Variants in TOPBP1 observed in about 807,000 individuals in gnomAD.
TOPBP1 encodes the protein DNA topoisomerase 2-binding protein 1.
TOPBP1 carries 28 observed loss-of-function variants against 167.7 expected under a neutral mutation model. The observed-to-expected ratio is 0.17, with a 90% CI of 0.12 to 0.23. The LOEUF (loss-of-function observed/expected upper bound fraction) is 0.23, where lower values mean the gene tolerates loss of function less well. Among genes scored for constraint, TOPBP1 ranks in the 10% least tolerant of loss-of-function variants. The pLI, the probability that TOPBP1 is intolerant of heterozygous loss-of-function variation, is 1.00. For synonymous variants in TOPBP1, 598 were observed against 611.4 expected (o/e 0.98, Z 0.32); for missense variants, 1,554 against 1,809.6 (o/e 0.86, Z 2.56).
intron 20 of TOPBP1, 150 bp from the exon 21 acceptor site, chr3:133,618,583 T>A: frequency 1.7e-6 from 1 of 593,040 alleles, no homozygotes; most frequent in South Asian, 3.7e-5. Context: ...TAAATGAACC[T>A]AGGGACATTT....
chr3:133,613,033 G>GT (rs2107774208), intron 23 of TOPBP1, among the ~76,000 whole-genome samples: 1 of 151,982 alleles, frequency 6.6e-6, no homozygotes, highest in East Asian at 1.9e-4. Flanking sequence ...GCTAATTTTT[G>GT]TATTTTTAGT....
chr3:133,642,923 T>C (rs1329906057), intron 12 of TOPBP1, among the ~76,000 whole-genome samples: 1 of 152,180 alleles, frequency 6.6e-6, no homozygotes, highest in Admixed American at 6.5e-5. Flanking sequence ...CTTTATTTGG[T>C]GTCATTATGA....
intron 10 of TOPBP1, among the ~76,000 whole-genome samples, chr3:133,648,164 A>C (rs1260461315): frequency 6.6e-6 from 1 of 152,226 alleles, no homozygotes; most frequent in Non-Finnish European, 1.5e-5. Context: ...TCCAGCAGTC[A>C]GGGAAATAGA....
At chr3:133,611,839 C>G (rs1934693302) in intron 24 of TOPBP1, among the ~76,000 whole-genome samples, 1 of 152,138 alleles carries the variant, frequency 6.6e-6, no homozygotes, top group South Asian at 2.1e-4. Context: ...TGGGCTCAAG[C>G]AATCCTCCCA....
At chr3:133,651,163 G>A (rs1477942918) in intron 8 of TOPBP1, among the ~76,000 whole-genome samples, 6 of 134,386 alleles carry the variant, frequency 4.5e-5, no homozygotes, top group African/African-American at 8.1e-5. Context: ...GTAATTTGCC[G>A]AATTTCCCTT....
Position 133,601,207 on chromosome 3 carries a change from T to G in TOPBP1, c.*43A>C. ...TCACAGTCACATTCAGGCTTTCAAT[T>G]TTTAAAAACATTTAATGTTTGGTAA... On this transcript the variant is annotated 3_prime_UTR_variant, in exon 28 of 28. Transcript: ENST00000260810. 6.5e-7 allele frequency: 1 copy of G among 1,545,402 alleles called. No homozygotes were observed. The highest frequency in any genetic ancestry group is 8.7e-7 in the Non-Finnish European group (1 of 1,148,100).
rs574240767 is a variant in TOPBP1 at position 133,630,994 on chromosome 3, C to T, written c.2521-2261G>A. ...ACTGCCTGAGCCCAGGAGTTCTAGACCAGCCTGAGCAACATGGTGAGACTC... is the reference window on the plus strand; with the variant it reads ...ACTGCCTGAGCCCAGGAGTTCTAGATCAGCCTGAGCAACATGGTGAGACTC... On this transcript the variant is annotated intron_variant, in intron 14 of 27. Coordinates refer to ENST00000260810, the MANE Select transcript of TOPBP1 (RefSeq NM_007027.4). Among the ~76,000 whole-genome samples the T allele has an allele frequency of 2.6e-5, 4 of 152,256 alleles. No homozygotes were observed. In the South Asian group the frequency reaches 8.3e-4, roughly 32 times the overall value.
At position 133,603,911 on chromosome 3, in the gene TOPBP1, AAGAT is replaced by A. The variant is rs776197664; in HGVS notation, c.4426-2522_4426-2519del. On this transcript the variant is annotated intron_variant, in intron 27 of 27. Coordinates refer to ENST00000260810, the MANE Select transcript of TOPBP1 (RefSeq NM_007027.4). ...CTTTCACATATATGATATGTTCATT[AAGAT>A]AGATGAAGCTGGGTGATAAAACAAG... Among the ~76,000 whole-genome samples, 35 of 151,924 alleles carry A rather than the reference AAGAT, an allele frequency of 2.3e-4. 1 individual carries two copies. The highest frequency in any genetic ancestry group is 4.1e-4 in the Non-Finnish European group (28 of 67,960).
At chr3:133,603,926 G>C (rs968927087) in intron 27 of TOPBP1, among the ~76,000 whole-genome samples, 2 of 151,744 alleles carry the variant, frequency 1.3e-5, no homozygotes. Flanking sequence ...AGATGAAGCT[G>C]GGTGATAAAA....
In TOPBP1 at chr3:133,620,233, C is replaced by T; in HGVS notation, c.3293G>A (p.Gly1098Asp). The T allele has an allele frequency of 6.2e-7, 1 of 1,613,926 alleles. No individual in the cohort carries two copies. Among genetic ancestry groups the T allele is most frequent in the Non-Finnish European group, 8.5e-7 (1 of 1,179,870 alleles). The part of the protein sequence containing the change: ...QGQRTSLSRS[G>D]CNSASSTPDS... ...AGGGGTTGAAGATGCGCTGTTACAA[C>T]CACTTCTTGAAAGGGAAGTCCTCTG... The change falls in exon 20 of 28, where the codon GGT (glycine) becomes GAT (aspartate). Residue 1098 changes from glycine to aspartate, a missense_variant. Gly to Asp is a moderately conservative substitution (Grantham distance 94). This residue lies in a region of TOPBP1 where 1,197 missense variants were observed against 1,351.5 expected (regional missense o/e 0.89). Coordinates refer to ENST00000260810, the MANE Select transcript of TOPBP1 (RefSeq NM_007027.4).
At chr3:133,624,252 G>A (rs1220549374) in intron 16 of TOPBP1, 77 bp from the exon 17 acceptor site, 5 of 1,519,246 alleles carry the variant, frequency 3.3e-6, no homozygotes, top group Non-Finnish European at 4.5e-6. Context: ...TATTTACTGT[G>A]AACAGAATAT....
rs748957843 is a variant in TOPBP1, at chr3:133,627,279, T to C, written c.2804+1083A>G. On this transcript the variant is annotated intron_variant, in intron 16 of 27. Transcript: ENST00000260810. ...GTTCCCTTGAAAGTCTTATATCATG[T>C]CTACATCAAAACAGAATAAACAAGG... Among the ~76,000 whole-genome samples, 33 of 152,112 alleles carry C rather than the reference T, an allele frequency of 2.2e-4. 1 individual carries two copies. Among genetic ancestry groups the C allele is most frequent in the Admixed American group, 2.0e-3 (30 of 15,270 alleles).
intron 2 of TOPBP1, 104 bp from the exon 3 acceptor site, chr3:133,659,254 C>A: frequency 8.4e-7 from 1 of 1,187,818 alleles, no homozygotes; most frequent in South Asian, 1.6e-5. Flanking sequence ...TTGAAAGCCA[C>A]CATCACATCT....
intron 3 of TOPBP1, 69 bp downstream of exon 3, chr3:133,658,947 G>C (rs933771417): frequency 6.8e-7 from 1 of 1,471,614 alleles, no homozygotes; most frequent in East Asian, 2.4e-5. Context: ...CGCAAAGAAT[G>C]TATGTCCATT....
intron 27 of TOPBP1, among the ~76,000 whole-genome samples, chr3:133,603,428 C>A (rs1024848910): frequency 6.6e-6 from 1 of 151,596 alleles, no homozygotes; most frequent in South Asian, 2.1e-4. Context: ...CTAAACACTC[C>A]AAAGAAAAAA....
rs558825222 is a variant in TOPBP1, at chr3:133,629,158, TA to T, written c.2521-426del. Among the ~76,000 whole-genome samples, 545 of 145,110 alleles carry T rather than the reference TA, an allele frequency of 3.8e-3. 1 individual carries two copies. Among genetic ancestry groups the T allele is most frequent in the African/African-American group, 4.5e-3 (181 of 39,930 alleles). On this transcript the variant is annotated intron_variant, in intron 14 of 27. Coordinates refer to ENST00000260810, the MANE Select transcript of TOPBP1 (RefSeq NM_007027.4). ...TAGAAAGTCAAAATGAGCTGAGAAT[TA>T]AAAAAAAAAAAATCTTCAAAAGTTC...
At chr3:133,603,886 C>CTT (rs1934400626) in intron 27 of TOPBP1, among the ~76,000 whole-genome samples, 2 of 151,824 alleles carry the variant, frequency 1.3e-5, no homozygotes, top group African/African-American at 4.8e-5. Flanking sequence ...AATATAAAAT[C>CTT]TTTCACATAT....
chr3:133,639,455 G>A (rs1192252511), intron 13 of TOPBP1, among the ~76,000 whole-genome samples: 1 of 152,096 alleles, frequency 6.6e-6, no homozygotes, highest in Non-Finnish European at 1.5e-5. Flanking sequence ...TCGTAGGATG[G>A]GGGGATGGGG....
intron 3 of TOPBP1, among the ~76,000 whole-genome samples, chr3:133,658,641 T>C (rs1936570111): frequency 1.3e-5 from 2 of 151,886 alleles, no homozygotes; most frequent in Non-Finnish European, 2.9e-5. Flanking sequence ...AAACCCTTTC[T>C]CTACTAAAAA....
Sources: gnomAD v4.1 joint callset for allele counts (sites outside exome capture counted in the v4.1 genomes callset) on GRCh38, gnomAD v4.1.1 for gene constraint, gnomAD v4.1.1 regional missense constraint, MANE v1.5 for transcripts, NCBI Gene and HGNC (gene_info 2026-07-23, HGNC 2026-07-21) for gene names.